CAPN14: variants seen among roughly 807,000 people sequenced by gnomAD.
CAPN14 encodes the protein calpain 14.
Under a neutral mutation model 101.3 loss-of-function variants are expected in CAPN14, and 94 were observed. That is an observed-to-expected ratio of 0.93 (90% confidence interval 0.79 to 1.10). The LOEUF (loss-of-function observed/expected upper bound fraction) is 1.10. Ranked by LOEUF, CAPN14 falls within the 50% of genes least tolerant of loss-of-function variation. CAPN14 has a pLI of 0.00. For missense variants in CAPN14, 837 were observed against 828.4 expected (o/e 1.01, Z -0.13); for synonymous variants, 338 against 317.9 (o/e 1.06, Z -0.67).
At chr2:31,193,764 T>C (rs1227603880) in intron 9 of CAPN14, among the ~76,000 whole-genome samples, 1 of 152,042 alleles carries the variant, frequency 6.6e-6, no homozygotes, top group East Asian at 1.9e-4. Context: ...AACCATAAAG[T>C]GGAAAAAACA....
At position 31,216,310 on chromosome 2, in the gene CAPN14, A is replaced by G. The variant is rs572443946; in HGVS notation, c.-53+1146T>C. ...AATTATACCACTGATAGTTACATCAATTCCATTCCTTTTCTACTGCTTGTT... is the reference window on the plus strand; with the variant it reads ...AATTATACCACTGATAGTTACATCAGTTCCATTCCTTTTCTACTGCTTGTT... On this transcript the variant is annotated intron_variant, in intron 1 of 21. Transcript: ENST00000403897. Among the ~76,000 whole-genome samples the G allele has an allele frequency of 2.8e-4, 42 of 152,332 alleles. No homozygotes were observed. The South Asian group carries it at 3.9e-3, about 14-fold the overall frequency.
intron 1 of CAPN14, among the ~76,000 whole-genome samples, chr2:31,214,230 A>G (rs1182123272): frequency 6.6e-6 from 1 of 152,206 alleles, no homozygotes; most frequent in Non-Finnish European, 1.5e-5. Flanking sequence ...TGGAAAATGT[A>G]AAGAACAATA....
intron 8 of CAPN14, among the ~76,000 whole-genome samples, chr2:31,196,853 T>C (rs1391355159): frequency 6.6e-6 from 1 of 152,210 alleles, no homozygotes. Context: ...GGAAAGACAC[T>C]GAACCCAGGC....
rs190676448 is a variant in CAPN14, at chr2:31,176,629, G to C, written c.1986C>G (p.Asn662Lys). 6.4e-7 allele frequency: 1 copy of C among 1,551,608 alleles called. No individual in the cohort carries two copies. The highest frequency in any genetic ancestry group is 2.4e-5 in the East Asian group (1 of 40,918). ...ATATCCCTTTGCCATCTTGGGTTAA[G>C]TTTTGGAAGACATCTGTGAAAATGC... is the stretch of plus-strand genomic sequence containing the variant. ...RVENMEDVFQ[N>K]LTQDGKGIYL... Residue 662 changes from asparagine (N) to lysine (K), a missense_variant, in exon 21 of 22, where the codon AAC becomes AAG. Physicochemically the swap from Asn to Lys is moderately conservative, Grantham distance 94. Transcript: ENST00000403897.
intron 17 of CAPN14, 57 bp downstream of exon 17, chr2:31,180,879 T>A: frequency 7.0e-6 from 10 of 1,425,874 alleles, no homozygotes; most frequent in Non-Finnish European, 9.7e-6. Context: ...TCTGCCTAGC[T>A]CCAGAGTGAA....
rs1680212537 is a variant in CAPN14 at position 31,174,780 on chromosome 2, C to A, written c.2029-73G>T. The A allele has an allele frequency of 1.9e-5, 27 of 1,398,208 alleles. No homozygotes were observed. In the East Asian group the frequency reaches 6.7e-4, roughly 35 times the overall value. The allele number at this position is 1,398,208 out of a possible 1,614,324, so 86.6% of individuals were successfully genotyped here. ...CATCTGGGCCTCCCCATCCCACACT[C>A]CTGGGGAGCCATGGAGACAGAACAT... On this transcript the variant is annotated intron_variant, in intron 21 of 21. Coordinates refer to ENST00000403897, the MANE Select transcript of CAPN14 (RefSeq NM_001145122.2).
intron 1 of CAPN14, among the ~76,000 whole-genome samples, chr2:31,227,562 G>A (rs953792154): frequency 9.2e-5 from 14 of 152,152 alleles, no homozygotes; most frequent in African/African-American, 3.4e-4. Context: ...TTATAAAAAC[G>A]TATCAGGTCC....
chr2:31,175,546 A>G (rs7579175), intron 21 of CAPN14, among the ~76,000 whole-genome samples: 56,370 of 151,712 alleles, frequency 0.37, 12,432 homozygotes, highest in African/African-American at 0.61. Context: ...GACCTGAGCC[A>G]GCCACTGTGG....
upstream of CAPN14, among the ~76,000 whole-genome samples, chr2:31,218,232 C>T (rs1229787471): frequency 6.7e-6 from 1 of 149,160 alleles, no homozygotes; most frequent in Non-Finnish European, 1.5e-5. Flanking sequence ...ACTCCCTCCC[C>T]ACCCCCACCC....
chr2:31,191,183 C>A (rs913937350), intron 12 of CAPN14, among the ~76,000 whole-genome samples: 1 of 152,070 alleles, frequency 6.6e-6, no homozygotes, highest in Admixed American at 6.5e-5. Context: ...CCCATAGATG[C>A]ATGAGGATCT....
intron 6 of CAPN14, 113 bp from the exon 7 acceptor site, chr2:31,199,645 T>C: frequency 2.5e-6 from 2 of 787,588 alleles, no homozygotes; most frequent in East Asian, 2.7e-5. Flanking sequence ...GTGTGGGAGA[T>C]AATCATGGTA....
At chr2:31,187,890 A>C in intron 14 of CAPN14, 76 bp from the exon 15 acceptor site, 56 of 1,150,736 alleles carry the variant, frequency 4.9e-5, no homozygotes, top group Non-Finnish European at 6.4e-5. Flanking sequence ...CTAATGTCTC[A>C]TGGCTTCCAG....
At chr2:31,196,119 C>T (rs1348668805) in intron 8 of CAPN14, among the ~76,000 whole-genome samples, 2 of 152,130 alleles carry the variant, frequency 1.3e-5, no homozygotes, top group Non-Finnish European at 2.9e-5. Context: ...GAATTGAAAA[C>T]ATAATATTTA....
chr2:31,174,659 G>A lies in CAPN14; in HGVS notation c.*22C>T. The stretch of plus-strand genomic sequence containing the variant: ...GGGCCACATGCAGAGTCTTCAGTGA[G>A]GGCAGGTGAGACTCAGCCTTCTCAG... On this transcript the variant is annotated 3_prime_UTR_variant, in exon 22 of 22. Coordinates refer to ENST00000403897, the MANE Select transcript of CAPN14 (RefSeq NM_001145122.2). The A allele has an allele frequency of 6.4e-7, 1 of 1,551,388 alleles. No individual in the cohort carries two copies. Among genetic ancestry groups the A allele is most frequent in the Non-Finnish European group, 8.7e-7 (1 of 1,146,862 alleles).
At chr2:31,183,692 T>A (rs1680764178) in intron 16 of CAPN14, among the ~76,000 whole-genome samples, 3 of 151,986 alleles carry the variant, frequency 2.0e-5, no homozygotes. Flanking sequence ...AAACAACAGG[T>A]GCTGGAGAGG....
chr2:31,203,120 T>A lies in CAPN14; in HGVS notation c.245A>T (p.Gln82Leu). Reference protein sequence around the residue: ...KRPPELHSNPQFYFAKAKRLD... With the variant: ...KRPPELHSNPLFYFAKAKRLD... ...CCTTTTGGCCTTGGCAAAATAAAAC[T>A]GGGGATTGCTGTGCAGCTCCTGGGA... The change falls in exon 3 of 22, where the codon CAG becomes CTG. Residue 82 changes from glutamine (Q) to leucine (L), a missense_variant. Transcript: ENST00000403897. The A allele has an allele frequency of 6.4e-7, 1 of 1,551,594 alleles. No individual in the cohort carries two copies. The highest frequency in any genetic ancestry group is 8.7e-7 in the Non-Finnish European group (1 of 1,146,950).
At chr2:31,218,892 T>G (rs774190516), upstream of CAPN14, among the ~76,000 whole-genome samples, 1 of 152,206 alleles carries the variant, frequency 6.6e-6, no homozygotes, top group Non-Finnish European at 1.5e-5. Context: ...ATGTGCCAAA[T>G]AGCCACCCTT....
intron 4 of CAPN14, 53 bp from the exon 5 acceptor site, chr2:31,202,051 A>G: frequency 1.3e-6 from 2 of 1,550,072 alleles, no homozygotes; most frequent in South Asian, 1.2e-5. Flanking sequence ...GATGGTGATC[A>G]GCCCAGAAGG....
chr2:31,177,414 T>G (rs1680360302), intron 19 of CAPN14, among the ~76,000 whole-genome samples: 2 of 152,332 alleles, frequency 1.3e-5, no homozygotes, highest in South Asian at 4.1e-4. Context: ...GGCAGTCTGC[T>G]AAGTGCTCAA....
Sources: allele counts gnomAD v4.1 joint callset (sites outside exome capture counted in the v4.1 genomes callset), GRCh38; gene constraint gnomAD v4.1.1; transcripts MANE v1.5; gene names NCBI Gene and HGNC (gene_info 2026-07-23, HGNC 2026-07-21).